PRKCE: variants seen among roughly 807,000 people sequenced by gnomAD.
PRKCE encodes the protein protein kinase C epsilon, also known as protein kinase C epsilon type.
PRKCE carries 16 observed loss-of-function variants against 85.4 expected under a neutral mutation model. The observed-to-expected ratio is 0.19, with a 90% CI of 0.13 to 0.28. The LOEUF (loss-of-function observed/expected upper bound fraction) is 0.28. PRKCE is among the 10% of genes least tolerant of loss of function. The pLI is 1.00. For missense variants in PRKCE, 573 were observed against 975.2 expected (o/e 0.59, Z 5.49); for synonymous variants, 388 against 371.5 (o/e 1.04, Z -0.51).
At chr2:45,699,195 A>G (rs1227774863) in intron 1 of PRKCE, among the ~76,000 whole-genome samples, 1 of 151,970 alleles carries the variant, frequency 6.6e-6, no homozygotes, top group Non-Finnish European at 1.5e-5. Flanking sequence ...CTTAGCAGGC[A>G]AAGGAGGGGC....
chr2:45,702,858 T>A (rs967455980), intron 1 of PRKCE, among the ~76,000 whole-genome samples: 1 of 152,064 alleles, frequency 6.6e-6, no homozygotes, highest in Admixed American at 6.5e-5. Context: ...ACTCTGGGAG[T>A]AGAAGGGCTA....
At chr2:45,950,878 C>T (rs1439542163) in intron 2 of PRKCE, among the ~76,000 whole-genome samples, 1 of 152,184 alleles carries the variant, frequency 6.6e-6, no homozygotes, top group Non-Finnish European at 1.5e-5. Flanking sequence ...CCTCTCAGAA[C>T]TGGCTCCTCT....
chr2:45,808,977 C>G (rs1467656108), intron 1 of PRKCE, among the ~76,000 whole-genome samples: 1 of 152,186 alleles, frequency 6.6e-6, no homozygotes, highest in Non-Finnish European at 1.5e-5. Context: ...GTACCCGGCT[C>G]TAATCTGCCC....
At chr2:46,176,645 C>G (rs1269932473) in intron 14 of PRKCE, among the ~76,000 whole-genome samples, 1 of 152,082 alleles carries the variant, frequency 6.6e-6, no homozygotes, top group Non-Finnish European at 1.5e-5. Context: ...ATCTTTATTC[C>G]AGCAAAGCAA....
At chr2:45,798,832 C>T (rs75856208) in intron 1 of PRKCE, among the ~76,000 whole-genome samples, 8,075 of 149,268 alleles carry the variant, frequency 0.054, 729 homozygotes, top group African/African-American at 0.19. Flanking sequence ...TATTGTATTT[C>T]TTATTATTAT....
chr2:46,165,803 T>C (rs1356478289), intron 14 of PRKCE, among the ~76,000 whole-genome samples: 2 of 152,160 alleles, frequency 1.3e-5, no homozygotes, highest in East Asian at 3.8e-4. Context: ...GCTTCAGCAC[T>C]GGAATGGGGG....
chr2:45,720,179 G>A (rs946138067), intron 1 of PRKCE, among the ~76,000 whole-genome samples: 1 of 152,166 alleles, frequency 6.6e-6, no homozygotes, highest in Non-Finnish European at 1.5e-5. Context: ...CTGTAGCAAG[G>A]TGCAGTAGGT....
chr2:46,089,658 G>A (rs1669974247), intron 11 of PRKCE, among the ~76,000 whole-genome samples: 1 of 152,058 alleles, frequency 6.6e-6, no homozygotes, highest in Admixed American at 6.5e-5. Context: ...AGGGGCACAG[G>A]CCGCGGGTTG....
At chr2:46,022,794 A>G (rs1444482399) in intron 10 of PRKCE, among the ~76,000 whole-genome samples, 1 of 152,230 alleles carries the variant, frequency 6.6e-6, no homozygotes, top group African/African-American at 2.4e-5. Context: ...AACAGTTTCA[A>G]TATCATCGGC....
intron 1 of PRKCE, among the ~76,000 whole-genome samples, chr2:45,746,740 A>T (rs1004045539): frequency 1.3e-5 from 2 of 152,124 alleles, no homozygotes; most frequent in African/African-American, 4.8e-5. Flanking sequence ...TACTTAGCAT[A>T]ATTTTACCCA....
At chr2:45,816,519 G>A (rs962036457) in intron 1 of PRKCE, among the ~76,000 whole-genome samples, 14 of 152,148 alleles carry the variant, frequency 9.2e-5, no homozygotes, top group Admixed American at 3.3e-4. Flanking sequence ...TAGGGAGCTG[G>A]CAATCTAGCA....
chr2:46,113,686 T>G lies in PRKCE; in HGVS notation c.1592+27324T>G, dbSNP rs6731609. Among the ~76,000 whole-genome samples the G allele has an allele frequency of 8.6e-3, 1,315 of 152,308 alleles. 18 individuals are homozygous for G. Among genetic ancestry groups the G allele is most frequent in the African/African-American group, 0.031 (1,278 of 41,556 alleles). On this transcript the variant is annotated intron_variant, in intron 11 of 14. Transcript: ENST00000306156. ...CTGGCTTGCAGTGGGAAGGGGGATG[T>G]GCTACATGCTCACCTGCCTCATGTA...
At chr2:46,063,253 A>T (rs1296100505) in intron 10 of PRKCE, among the ~76,000 whole-genome samples, 1 of 151,986 alleles carries the variant, frequency 6.6e-6, no homozygotes, top group African/African-American at 2.4e-5. Flanking sequence ...TTAGGCTTAG[A>T]TAGCTAGGTG....
At chr2:45,748,344 G>C (rs527676036) in intron 1 of PRKCE, among the ~76,000 whole-genome samples, 1 of 152,244 alleles carries the variant, frequency 6.6e-6, no homozygotes, top group Non-Finnish European at 1.5e-5. Flanking sequence ...GGCAGAAGCA[G>C]GATGTGACGT....
At chr2:45,789,380 A>G (rs1046212228) in intron 1 of PRKCE, among the ~76,000 whole-genome samples, 1 of 152,136 alleles carries the variant, frequency 6.6e-6, no homozygotes, top group African/African-American at 2.4e-5. Flanking sequence ...GTCTTCTTTC[A>G]CTGTGCTAAT....
At chr2:46,084,722 A>G (rs1470519824) in intron 10 of PRKCE, among the ~76,000 whole-genome samples, 1 of 147,714 alleles carries the variant, frequency 6.8e-6, no homozygotes, top group South Asian at 2.1e-4. Flanking sequence ...CTCCATCAAA[A>G]AAAAAAAAAA....
rs569889398 is a variant in PRKCE at position 45,981,166 on chromosome 2, C to T, written c.693+785C>T. Among the ~76,000 whole-genome samples, 5 of 152,258 alleles carry T rather than the reference C, an allele frequency of 3.3e-5. No homozygotes were observed. The East Asian group carries it at 9.6e-4, about 29-fold the overall frequency. On this transcript the variant is annotated intron_variant, in intron 5 of 14. Coordinates refer to ENST00000306156, the MANE Select transcript of PRKCE (RefSeq NM_005400.3). ...CTAGGTTCACCTAACTGAGCAATTA[C>T]GAGAATGATAGTCCCACTGATAGAT...
In PRKCE at chr2:45,717,537, C is replaced by T. The variant is rs192093646; in HGVS notation, c.348+65089C>T. ...ATGGCATGTCTTGTGCATATCTGCA[C>T]GTTCCCTGGAGCAAAATACGTTCCT... On this transcript the variant is annotated intron_variant, in intron 1 of 14. Transcript: ENST00000306156. Among the ~76,000 whole-genome samples the T allele has an allele frequency of 5.3e-5, 8 of 152,350 alleles. No homozygotes were observed. In the South Asian group the frequency reaches 1.2e-3, roughly 24 times the overall value.
At chr2:46,142,385 A>G (rs1036867372) in intron 11 of PRKCE, among the ~76,000 whole-genome samples, 1 of 152,166 alleles carries the variant, frequency 6.6e-6, no homozygotes, top group African/African-American at 2.4e-5. Context: ...AAGTCTTTGG[A>G]CCCACTCTTA....
Sources: allele counts gnomAD v4.1 joint callset (sites outside exome capture counted in the v4.1 genomes callset), GRCh38; gene constraint gnomAD v4.1.1; transcripts MANE v1.5; gene names NCBI Gene and HGNC (gene_info 2026-07-23, HGNC 2026-07-21).